MAP7: variants seen among roughly 807,000 people sequenced by gnomAD.
MAP7 encodes the protein ensconsin.
MAP7 carries 52 observed loss-of-function variants against 94.8 expected under a neutral mutation model. The observed-to-expected ratio is 0.55, with a 90% CI of 0.44 to 0.69. MAP7 has a LOEUF of 0.69. Ranked by LOEUF, MAP7 falls within the 30% of genes least tolerant of loss-of-function variation. The probability of loss-of-function intolerance (pLI) is 0.00; values close to 1 mark genes in which losing one functional copy is unlikely to be tolerated. For missense variants in MAP7, 940 were observed against 964.6 expected (o/e 0.97, Z 0.34); for synonymous variants, 350 against 357.0 (o/e 0.98, Z 0.22).
intron 3 of MAP7, among the ~76,000 whole-genome samples, chr6:136,401,106 T>C (rs1183744811): frequency 6.6e-6 from 1 of 152,162 alleles, no homozygotes; most frequent in Non-Finnish European, 1.5e-5. Context: ...CCTAACACTT[T>C]GGGAGGCCAA....
At chr6:136,457,508 C>T (rs915835230) in intron 1 of MAP7, among the ~76,000 whole-genome samples, 1 of 152,102 alleles carries the variant, frequency 6.6e-6, no homozygotes, top group Non-Finnish European at 1.5e-5. Flanking sequence ...TAAGACACTA[C>T]AAGACAAGCA....
At chr6:136,391,529 T>C (rs1448062637) in intron 3 of MAP7, among the ~76,000 whole-genome samples, 2 of 138,912 alleles carry the variant, frequency 1.4e-5, no homozygotes, top group Non-Finnish European at 3.1e-5. Context: ...TGTGCACATG[T>C]ACCCTAAAAC....
intron 1 of MAP7, among the ~76,000 whole-genome samples, chr6:136,480,641 CAA>C (rs769951186): frequency 0.019 from 371 of 20,042 alleles, 1 homozygote; most frequent in East Asian, 0.17. Flanking sequence ...GACTCTGCCT[CAA>C]AAAAAAAAAA....
intron 1 of MAP7, among the ~76,000 whole-genome samples, chr6:136,471,506 A>G (rs1808986499): frequency 6.6e-6 from 1 of 151,996 alleles, no homozygotes; most frequent in South Asian, 2.1e-4. Flanking sequence ...TCCTTTAGAG[A>G]GTCTCTAGAG....
Position 136,360,735 on chromosome 6 carries a change from A to G in MAP7, c.1765T>C (p.Phe589Leu). The change falls in exon 13 of 18, where the codon TTC becomes CTC. Residue 589 changes from phenylalanine (F) to leucine (L), a missense_variant. Transcript: ENST00000354570. ...ERVRQEREKH[F>L]QREEQERLER... is the part of the protein sequence containing the mutation. ...AGGCGCTCTTGCTCTTCTCTCTGGA[A>G]ATGCTTCTCTCGTTCCTGCCGGACC... is the stretch of plus-strand genomic sequence containing the variant. The G allele has an allele frequency of 6.2e-7, 1 of 1,614,120 alleles. No homozygotes were observed. The highest frequency in any genetic ancestry group is 8.5e-7 in the Non-Finnish European group (1 of 1,180,024).
chr6:136,540,422 T>C (rs1390245699), intron 1 of MAP7, among the ~76,000 whole-genome samples: 2 of 142,012 alleles, frequency 1.4e-5, no homozygotes, highest in African/African-American at 2.9e-5. Context: ...GTGTAGGAGC[T>C]AGGCAAAGTC....
At chr6:136,407,082 T>C in intron 3 of MAP7, among the ~76,000 whole-genome samples, 1 of 152,262 alleles carries the variant, frequency 6.6e-6, no homozygotes, top group Admixed American at 6.5e-5. Flanking sequence ...GTGAAGTGTT[T>C]AGAACACTGC....
chr6:136,537,556 T>G (rs1237288580), intron 1 of MAP7, among the ~76,000 whole-genome samples: 1 of 152,252 alleles, frequency 6.6e-6, no homozygotes, highest in Non-Finnish European at 1.5e-5. Flanking sequence ...GGGATGGGTT[T>G]ATTCCTAGTG....
At chr6:136,426,246 T>C (rs1793102187) in intron 1 of MAP7, among the ~76,000 whole-genome samples, 1 of 152,212 alleles carries the variant, frequency 6.6e-6, no homozygotes, top group Admixed American at 6.5e-5. Flanking sequence ...TCAGTCTCTT[T>C]GTCACAATCA....
chr6:136,479,996 C>T (rs1043982231), intron 1 of MAP7, among the ~76,000 whole-genome samples: 1 of 152,048 alleles, frequency 6.6e-6, no homozygotes, highest in East Asian at 1.9e-4. Context: ...AAAAACAATC[C>T]TAAAATTTAT....
intron 7 of MAP7, among the ~76,000 whole-genome samples, chr6:136,375,414 G>C (rs891523700): frequency 3.0e-4 from 45 of 152,202 alleles, no homozygotes; most frequent in African/African-American, 1.1e-3. Flanking sequence ...TATATCCCAG[G>C]GCTAAAAGTA....
At chr6:136,536,149 A>C (rs569584879) in intron 1 of MAP7, among the ~76,000 whole-genome samples, 2 of 152,318 alleles carry the variant, frequency 1.3e-5, no homozygotes, top group East Asian at 3.9e-4. Flanking sequence ...GCTAAGCAAA[A>C]AATATTCCTA....
intron 1 of MAP7, among the ~76,000 whole-genome samples, chr6:136,485,732 T>G (rs1195930892): frequency 6.6e-6 from 1 of 151,426 alleles, no homozygotes; most frequent in African/African-American, 2.4e-5. Flanking sequence ...CCGGCTAATT[T>G]TTTGTATTTT....
rs1339603539 is a variant in MAP7 at position 136,348,595 on chromosome 6, C to G, written c.2016-2516G>C. The stretch of plus-strand genomic sequence containing the variant: ...GCTTTGCTCCAGTCCAAAATGTGTA[C>G]AGGCAGGGGTTGGGACCTTGGCAAG... On this transcript the variant is annotated intron_variant, in intron 16 of 17. Transcript: ENST00000354570. 6.6e-5 allele frequency among the ~76,000 whole-genome samples: 10 copies of G among 152,172 alleles called. No individual in the cohort carries two copies. In the East Asian group the frequency reaches 1.7e-3, roughly 26 times the overall value.
intron 9 of MAP7, 138 bp downstream of exon 9, chr6:136,366,187 CTT>C: frequency 9.7e-7 from 1 of 1,031,530 alleles, no homozygotes; most frequent in Non-Finnish European, 1.4e-6. Flanking sequence ...TCCAATTTCT[CTT>C]TTTTCTTTCC....
intron 1 of MAP7, chr6:136,526,277 G>A (rs199841130): frequency 6.6e-4 from 613 of 934,314 alleles, no homozygotes; most frequent in Non-Finnish European, 7.2e-4. Context: ...ACACGCGCGC[G>A]CACACACACA....
At chr6:136,381,919 C>CACACACACACACACACACACACACAG (rs373754692) in intron 6 of MAP7, among the ~76,000 whole-genome samples, 1 of 103,034 alleles carries the variant, frequency 9.7e-6, no homozygotes, top group Non-Finnish European at 1.9e-5. Context: ...CACACACACA[C>CACACACACACACACACACACACACAG]AGAGAGAGAG....
At chr6:136,447,424 A>T (rs978698002) in intron 1 of MAP7, among the ~76,000 whole-genome samples, 3 of 152,098 alleles carry the variant, frequency 2.0e-5, no homozygotes, top group African/African-American at 7.2e-5. Flanking sequence ...GTTCCATTTT[A>T]TGTTCCAACT....
At chr6:136,479,485 A>G (rs1485571975) in intron 1 of MAP7, among the ~76,000 whole-genome samples, 1 of 152,236 alleles carries the variant, frequency 6.6e-6, no homozygotes, top group Non-Finnish European at 1.5e-5. Flanking sequence ...GTCATTCAAC[A>G]TAGTACTGGA....
Sources: allele counts gnomAD v4.1 joint callset (sites outside exome capture counted in the v4.1 genomes callset), GRCh38; gene constraint gnomAD v4.1.1; transcripts MANE v1.5; gene names NCBI Gene and HGNC (gene_info 2026-07-23, HGNC 2026-07-21).